Variants in PHLPP1 observed in about 807,000 individuals in gnomAD.
PHLPP1 encodes the protein PH domain and leucine rich repeat protein phosphatase 1, also known as PH domain leucine-rich repeat-containing protein phosphatase 1.
Under a neutral mutation model 117.2 loss-of-function variants are expected in PHLPP1, and 42 were observed. The observed-to-expected ratio is 0.36, with a 90% confidence interval of 0.28 to 0.46. PHLPP1 has a LOEUF of 0.46. Among genes scored for constraint, PHLPP1 ranks in the 20% least tolerant of loss-of-function variants. The probability of loss-of-function intolerance (pLI) is 1.00; values close to 1 mark genes in which losing one functional copy is unlikely to be tolerated. For synonymous variants in PHLPP1, 1,042 were observed against 970.7 expected, an observed-to-expected ratio of 1.07 and a Z score of -1.37; for missense variants, 2,084 against 2,241.9, an observed-to-expected ratio of 0.93 and a Z score of 1.42.
chr18:62,856,203 T>C (rs1052281535), intron 3 of PHLPP1, among the ~76,000 whole-genome samples: 43 of 152,204 alleles, frequency 2.8e-4, no homozygotes, highest in African/African-American at 1.0e-3. Context: ...TAATCCCCAG[T>C]GGATATGGAG....
intron 5 of PHLPP1, among the ~76,000 whole-genome samples, chr18:62,895,385 A>G (rs370897765): frequency 1.3e-5 from 2 of 152,254 alleles, no homozygotes; most frequent in Admixed American, 6.5e-5. Flanking sequence ...GAAGATCCCT[A>G]CAGATGAGTA....
At chr18:62,906,480 A>G (rs1916851861) in intron 8 of PHLPP1, 1 of 147,214 alleles carries the variant, frequency 6.8e-6, no homozygotes, top group Admixed American at 6.9e-5. Flanking sequence ...AGGGCGAGGC[A>G]TTGCCTCACC....
chr18:62,728,605 G>A (rs1489204769), intron 1 of PHLPP1, among the ~76,000 whole-genome samples: 1 of 151,440 alleles, frequency 6.6e-6, no homozygotes, highest in Non-Finnish European at 1.5e-5. Context: ...CCAGGTTCAA[G>A]TGATTCTCCT....
intron 3 of PHLPP1, among the ~76,000 whole-genome samples, chr18:62,850,763 G>A (rs1418754166): frequency 6.6e-6 from 1 of 152,140 alleles, no homozygotes; most frequent in African/African-American, 2.4e-5. Flanking sequence ...TTGGAAAGCT[G>A]TTAGTGACAT....
chr18:62,727,501 G>A (rs1911110332), intron 1 of PHLPP1, among the ~76,000 whole-genome samples: 2 of 151,522 alleles, frequency 1.3e-5, no homozygotes, highest in Admixed American at 6.6e-5. Flanking sequence ...TGTAGTCCTA[G>A]CTACTTGGGA....
At chr18:62,857,715 CTG>C (rs1915533904) in intron 3 of PHLPP1, among the ~76,000 whole-genome samples, 1 of 152,190 alleles carries the variant, frequency 6.6e-6, no homozygotes, top group African/African-American at 2.4e-5. Flanking sequence ...GGATTCTGTT[CTG>C]TGTCCTTGCA....
At chr18:62,970,528 G>A (rs1380568221) in intron 14 of PHLPP1, among the ~76,000 whole-genome samples, 1 of 152,146 alleles carries the variant, frequency 6.6e-6, no homozygotes, top group Non-Finnish European at 1.5e-5. Flanking sequence ...ACTTTGAGAG[G>A]CCGAGGCGGG....
chr18:62,931,430 A>G (rs962542610), intron 10 of PHLPP1, among the ~76,000 whole-genome samples: 2 of 152,110 alleles, frequency 1.3e-5, no homozygotes, highest in Non-Finnish European at 2.9e-5. Context: ...ACCTAAAGGA[A>G]CTAGAAAAAA....
intron 1 of PHLPP1, among the ~76,000 whole-genome samples, chr18:62,734,019 G>A (rs1176977981): frequency 1.1e-4 from 17 of 152,192 alleles, no homozygotes. Context: ...GCAAATATTC[G>A]TTTTGATTTT....
In PHLPP1 at chr18:62,716,830, G is replaced by C. The variant is rs762042568; in HGVS notation, c.1147G>C (p.Ala383Pro). ...GTCGTCGGAAGAGCTCGAGGCCGACGCAGCCTCGGCCCCGACGGGGGTCCC... is the reference window on the plus strand; with the variant it reads ...GTCGTCGGAAGAGCTCGAGGCCGACCCAGCCTCGGCCCCGACGGGGGTCCC... ...SSSSEELEAD[A>P]ASAPTGVPGQ... is the part of the protein sequence containing the mutation. Residue 383 changes from alanine to proline, a missense_variant, in exon 1 of 17, where the codon GCA becomes CCA. This residue lies in a region of PHLPP1 where 719 missense variants were observed against 636.0 expected (regional missense o/e 1.13). Transcript: ENST00000262719. The surrounding 1 kb of genome is among the most constrained non-coding windows in gnomAD (Gnocchi z 5.7). The C allele has an allele frequency of 3.3e-6, 5 of 1,525,362 alleles. 1 individual carries two copies. The South Asian group carries it at 4.8e-5, about 15-fold the overall frequency. 94.5% of individuals were successfully genotyped at this position (1,525,362 alleles called of 1,614,324 possible).
chr18:62,838,565 G>A, intron 2 of PHLPP1: 1 of 444,910 alleles, frequency 2.2e-6, no homozygotes, highest in Non-Finnish European at 4.0e-6. Flanking sequence ...ATTTCACTGT[G>A]GTGGGGAAAT....
intron 2 of PHLPP1, among the ~76,000 whole-genome samples, chr18:62,832,751 T>TG (rs542061421): frequency 1.8e-3 from 276 of 152,088 alleles, no homozygotes; most frequent in African/African-American, 6.5e-3. Context: ...CTGTTGTTGT[T>TG]TTTTTTTATC....
intron 4 of PHLPP1, among the ~76,000 whole-genome samples, chr18:62,884,954 TC>T (rs1916250203): frequency 6.6e-6 from 1 of 152,226 alleles, no homozygotes; most frequent in Non-Finnish European, 1.5e-5. Flanking sequence ...CTTAGATATA[TC>T]TAAAGCTAAT....
intron 14 of PHLPP1, among the ~76,000 whole-genome samples, chr18:62,971,070 C>G (rs1208143678): frequency 6.6e-6 from 1 of 152,182 alleles, no homozygotes; most frequent in Non-Finnish European, 1.5e-5. Flanking sequence ...CTGTCTCCTA[C>G]CAGGTTTCCA....
intron 14 of PHLPP1, among the ~76,000 whole-genome samples, chr18:62,964,243 A>G (rs1252617474): frequency 6.6e-6 from 1 of 152,222 alleles, no homozygotes; most frequent in East Asian, 1.9e-4. Flanking sequence ...AGCTAACATT[A>G]GTATTCAACC....
At chr18:62,759,996 C>T (rs1250822075) in intron 1 of PHLPP1, among the ~76,000 whole-genome samples, 2 of 152,136 alleles carry the variant, frequency 1.3e-5, no homozygotes, top group Non-Finnish European at 2.9e-5. Context: ...TGTCTCTTTG[C>T]CCCTTGGGTT....
chr18:62,841,168 G>T (rs755312629), intron 3 of PHLPP1, among the ~76,000 whole-genome samples: 2 of 152,140 alleles, frequency 1.3e-5, no homozygotes. Context: ...GACTATAGGC[G>T]TGAGCCACTG....
chr18:62,734,355 G>A (rs1203034615), intron 1 of PHLPP1, among the ~76,000 whole-genome samples: 7 of 152,068 alleles, frequency 4.6e-5, no homozygotes, highest in Admixed American at 2.6e-4. Flanking sequence ...AAAACCTCTC[G>A]TCTATGCTAG....
intron 14 of PHLPP1, among the ~76,000 whole-genome samples, chr18:62,965,941 G>A (rs183470102): frequency 5.1e-4 from 77 of 151,624 alleles, no homozygotes; most frequent in Middle Eastern, 3.4e-3. Flanking sequence ...GAAGGAAGAC[G>A]GAATAAAATG....
Sources: allele counts gnomAD v4.1 joint callset (sites outside exome capture counted in the v4.1 genomes callset), GRCh38; gene constraint gnomAD v4.1.1; regional missense constraint gnomAD v4.1.1; non-coding constraint Gnocchi (gnomAD v3.1); transcripts MANE v1.5; gene names NCBI Gene and HGNC (gene_info 2026-07-23, HGNC 2026-07-21).